RAB3IP: variants seen among roughly 807,000 people sequenced by gnomAD.
RAB3IP encodes the protein RAB3A interacting protein.
A neutral mutation model predicts 59.1 loss-of-function variants in RAB3IP; 36 were observed. The observed-to-expected ratio is 0.61, with a 90% CI of 0.47 to 0.80. The LOEUF (loss-of-function observed/expected upper bound fraction) is 0.80. RAB3IP is among the 30% of genes least tolerant of loss of function. The pLI is 0.00. For synonymous variants in RAB3IP, 207 were observed against 191.2 expected (o/e 1.08, Z -0.68); for missense variants, 511 against 536.0 (o/e 0.95, Z 0.46).
intron 3 of RAB3IP, among the ~76,000 whole-genome samples, chr12:69,759,284 G>T (rs12296830): frequency 6.6e-6 from 1 of 150,618 alleles, no homozygotes; most frequent in Non-Finnish European, 1.5e-5. Flanking sequence ...ACATGTTTCA[G>T]AGAGCACAGG....
At chr12:69,739,813 G>A (rs1887109211) in intron 1 of RAB3IP, 1 of 1,613,736 alleles carries the variant, frequency 6.2e-7, no homozygotes, top group Non-Finnish European at 8.5e-7. Flanking sequence ...GATGCTGGGT[G>A]GAAGTCGCAG....
chr12:69,806,293 T>C (rs1257433041), intron 8 of RAB3IP, among the ~76,000 whole-genome samples: 1 of 152,226 alleles, frequency 6.6e-6, no homozygotes, highest in Non-Finnish European at 1.5e-5. Flanking sequence ...TAGAGGTGTT[T>C]ATAGTATTCT....
chr12:69,767,633 G>C (rs1872438558), intron 3 of RAB3IP, among the ~76,000 whole-genome samples: 1 of 152,222 alleles, frequency 6.6e-6, no homozygotes, highest in Admixed American at 6.5e-5. Flanking sequence ...AAGAGAGTTG[G>C]TGCTCCAGGT....
chr12:69,766,487 T>G (rs1872217973), intron 3 of RAB3IP, among the ~76,000 whole-genome samples: 1 of 151,946 alleles, frequency 6.6e-6, no homozygotes, highest in Non-Finnish European at 1.5e-5. Flanking sequence ...TTACGTCAGT[T>G]TTTTGGTTCC....
intron 6 of RAB3IP, among the ~76,000 whole-genome samples, chr12:69,799,194 C>G (rs892549460): frequency 5.3e-5 from 8 of 152,156 alleles, no homozygotes; most frequent in African/African-American, 1.9e-4. Flanking sequence ...CTACACTCAG[C>G]TCTATGTTAC....
chr12:69,757,008 A>G (rs759639549), intron 3 of RAB3IP, among the ~76,000 whole-genome samples: 2 of 152,140 alleles, frequency 1.3e-5, no homozygotes, highest in African/African-American at 4.8e-5. Context: ...CTAAATGGTT[A>G]TTTACTTGAA....
chr12:69,786,976 T>C lies in RAB3IP; in HGVS notation c.606+2161T>C, dbSNP rs559647721. On this transcript the variant is annotated intron_variant, in intron 4 of 10. Transcript: ENST00000247833. ...TGTATTCGAACCAATTATTTATGAATCGTGGAAAAAGCGCTCAAAGTTTTT... is the reference window on the plus strand; with the variant it reads ...TGTATTCGAACCAATTATTTATGAACCGTGGAAAAAGCGCTCAAAGTTTTT... Among the ~76,000 whole-genome samples, 20 of 152,318 alleles carry C rather than the reference T, an allele frequency of 1.3e-4. No homozygotes were observed. The South Asian group carries it at 3.9e-3, about 30-fold the overall frequency.
intron 4 of RAB3IP, among the ~76,000 whole-genome samples, chr12:69,788,236 C>T (rs1033975689): frequency 3.9e-5 from 6 of 152,010 alleles, no homozygotes; most frequent in Non-Finnish European, 2.9e-5. Context: ...TAGATTTCAT[C>T]GTGCAGAAAT....
intron 1 of RAB3IP, among the ~76,000 whole-genome samples, chr12:69,748,482 G>T (rs1375154655): frequency 6.6e-6 from 1 of 152,154 alleles, no homozygotes; most frequent in African/African-American, 2.4e-5. Context: ...TGTTGTTTTT[G>T]CTGTGATAGT....
In RAB3IP at chr12:69,755,506, A is replaced by T. The variant is rs751771978; in HGVS notation, c.98A>T (p.Gln33Leu). 6.2e-7 allele frequency: 1 copy of T among 1,614,068 alleles called. No individual in the cohort carries two copies. The highest frequency in any genetic ancestry group is 8.5e-7 in the Non-Finnish European group (1 of 1,180,036). Reference sequence around the variant, plus strand: ...GTGTATGAATCAGGAACTCAAGAGCAGACTACCTCACCAAGTGTCATCTAC... The same window carrying T: ...GTGTATGAATCAGGAACTCAAGAGCTGACTACCTCACCAAGTGTCATCTAC... ...LGVYESGTQEQTTSPSVIYRP... is the reference protein window; with the variant it reads ...LGVYESGTQELTTSPSVIYRP... Residue 33 changes from glutamine to leucine, a missense_variant, in exon 2 of 11, where the codon CAG (glutamine) becomes CTG (leucine). Transcript: ENST00000247833.
chr12:69,786,065 T>C lies in RAB3IP; in HGVS notation c.606+1250T>C, dbSNP rs150444022. 2.3e-3 allele frequency among the ~76,000 whole-genome samples: 352 copies of C among 152,340 alleles called. 1 individual carries two copies. The highest frequency in any genetic ancestry group is 2.8e-3 in the Non-Finnish European group (192 of 68,028). On this transcript the variant is annotated intron_variant, in intron 4 of 10. Coordinates refer to ENST00000247833, the MANE Select transcript of RAB3IP (RefSeq NM_022456.5). Reference sequence around the variant, plus strand: ...AGATTTGTTCTTAAAACTTTTATTATAATAAACTTGGGGGGGTGGAAATTC... The same window carrying C: ...AGATTTGTTCTTAAAACTTTTATTACAATAAACTTGGGGGGGTGGAAATTC...
At chr12:69,815,022 T>TA (rs1880972817) in intron 10 of RAB3IP, among the ~76,000 whole-genome samples, 1 of 152,188 alleles carries the variant, frequency 6.6e-6, no homozygotes, top group African/African-American at 2.4e-5. Context: ...ATTCGTAAGT[T>TA]AGAGAATAGC....
chr12:69,744,386 T>G (rs1887644826), intron 1 of RAB3IP, among the ~76,000 whole-genome samples: 1 of 152,106 alleles, frequency 6.6e-6, no homozygotes, highest in Non-Finnish European at 1.5e-5. Context: ...CATAACACAC[T>G]GCAATAACTA....
At chr12:69,808,004 T>C (rs1237993439) in intron 8 of RAB3IP, among the ~76,000 whole-genome samples, 3 of 152,228 alleles carry the variant, frequency 2.0e-5, no homozygotes, top group South Asian at 2.1e-4. Context: ...TTTAGATCTT[T>C]CCTGCTTTCT....
At chr12:69,755,778 A>C (rs890685923) in intron 2 of RAB3IP, 119 bp downstream of exon 2, 1 of 760,086 alleles carries the variant, frequency 1.3e-6, no homozygotes, top group African/African-American at 1.8e-5. Flanking sequence ...GCCTAGGTAA[A>C]GAAATACATG....
At chr12:69,795,632 A>G (rs1041637620) in intron 6 of RAB3IP, 2 of 488,438 alleles carry the variant, frequency 4.1e-6, no homozygotes, top group East Asian at 3.0e-5. Flanking sequence ...GGTGGCTTTA[A>G]TGATCTGGCT....
intron 4 of RAB3IP, among the ~76,000 whole-genome samples, chr12:69,787,602 C>A (rs1330178399): frequency 1.3e-5 from 2 of 152,106 alleles, no homozygotes; most frequent in Non-Finnish European, 2.9e-5. Flanking sequence ...GAAAAGAAGT[C>A]ATCACCGGGG....
rs954513311 is a variant in RAB3IP, at chr12:69,800,239, T to G, written c.919T>G (p.Leu307Val). 6.4e-7 allele frequency: 1 copy of G among 1,568,292 alleles called. No individual in the cohort carries two copies. Among genetic ancestry groups the G allele is most frequent in the Admixed American group, 1.9e-5 (1 of 51,408 alleles). ...ADLSLYNEFR[L>V]WKDEPTMDRT... is the part of the protein sequence containing the mutation. ...CTTATCCTTGTATAATGAATTCCGA[T>G]TGTGGAAGGATGAGCCCACAATGGA... The change falls in exon 7 of 11, where the codon TTG becomes GTG. Residue 307 changes from leucine (L) to valine (V), a missense_variant. By Grantham distance (32) the Leu-to-Val change is conservative. Transcript: ENST00000247833.
At chr12:69,799,236 G>A (rs1391095939) in intron 6 of RAB3IP, among the ~76,000 whole-genome samples, 1 of 152,156 alleles carries the variant, frequency 6.6e-6, no homozygotes, top group African/African-American at 2.4e-5. Context: ...ATCTGATTGA[G>A]CTATCCTAGA....
Sources: allele counts gnomAD v4.1 joint callset (sites outside exome capture counted in the v4.1 genomes callset), GRCh38; gene constraint gnomAD v4.1.1; transcripts MANE v1.5; gene names NCBI Gene and HGNC (gene_info 2026-07-23, HGNC 2026-07-21).